KCNK2: variants seen among roughly 807,000 people sequenced by gnomAD.
KCNK2 encodes the protein potassium two pore domain channel subfamily K member 2.
Under a neutral mutation model 40.5 loss-of-function variants are expected in KCNK2, and 21 were observed. That is an observed-to-expected ratio of 0.52 (90% CI 0.37 to 0.75). KCNK2 has a LOEUF of 0.75. KCNK2 is among the 30% of genes least tolerant of loss of function. KCNK2 has a pLI of 0.00. For missense variants in KCNK2, 399 were observed against 531.6 expected, an observed-to-expected ratio of 0.75 and a Z score of 2.45; for synonymous variants, 191 against 202.2, an observed-to-expected ratio of 0.94 and a Z score of 0.47.
At chr1:215,182,058 A>G (rs980211049) in intron 5 of KCNK2, among the ~76,000 whole-genome samples, 2 of 152,182 alleles carry the variant, frequency 1.3e-5, no homozygotes, top group African/African-American at 4.8e-5. Flanking sequence ...TTAATCCAAG[A>G]GAGTAGTTGC....
At chr1:215,203,537 T>C (rs564538744) in intron 6 of KCNK2, among the ~76,000 whole-genome samples, 5 of 152,040 alleles carry the variant, frequency 3.3e-5, no homozygotes, top group African/African-American at 9.6e-5. Context: ...ACTATATATA[T>C]ATATAATATC....
At chr1:215,073,626 A>G (rs745322499) in intron 1 of KCNK2, among the ~76,000 whole-genome samples, 4 of 152,214 alleles carry the variant, frequency 2.6e-5, no homozygotes, top group African/African-American at 7.2e-5. Context: ...GAATCCGGCC[A>G]GTGACTAAAC....
intron 6 of KCNK2, among the ~76,000 whole-genome samples, chr1:215,207,401 T>C (rs1665360796): frequency 6.6e-6 from 1 of 152,122 alleles, no homozygotes; most frequent in South Asian, 2.1e-4. Context: ...CTGAAACCAT[T>C]CCCCCAGCTC....
At position 215,234,903 on chromosome 1, in the gene KCNK2, C is replaced by G; in HGVS notation, c.1039C>G (p.Leu347Val). ...TAEFKETRRR[L>V]SVEIYDKFQR... is the part of the protein sequence containing the mutation. ...CGAATTCAAAGAAACCAGGAGGCGA[C>G]TGAGTGTGGAGATTTATGACAAGTT... Residue 347 changes from leucine (L) to valine (V), a missense_variant, in exon 7 of 7, where the codon CTG (leucine) becomes GTG (valine). Leu to Val is a conservative substitution (Grantham distance 32, BLOSUM62 1). This residue lies in a region of KCNK2 where 103 missense variants were observed against 124.3 expected (regional missense o/e 0.83). Coordinates refer to ENST00000444842, the MANE Select transcript of KCNK2 (RefSeq NM_001017425.3). 1 of 1,614,060 alleles carries G rather than the reference C, an allele frequency of 6.2e-7. No homozygotes were observed. The highest frequency in any genetic ancestry group is 8.5e-7 in the Non-Finnish European group (1 of 1,180,000).
chr1:215,179,334 G>A (rs963526361), intron 5 of KCNK2, among the ~76,000 whole-genome samples: 1 of 151,710 alleles, frequency 6.6e-6, no homozygotes, highest in Non-Finnish European at 1.5e-5. Context: ...GGATTTTTGA[G>A]TCTCAATTTC....
chr1:215,072,401 A>G (rs991634405), intron 1 of KCNK2, among the ~76,000 whole-genome samples: 1 of 152,206 alleles, frequency 6.6e-6, no homozygotes, highest in African/African-American at 2.4e-5. Flanking sequence ...CAACCAGGAG[A>G]ACTTAAGACC....
chr1:215,177,623 C>T (rs2102644685), intron 5 of KCNK2, among the ~76,000 whole-genome samples: 1 of 150,918 alleles, frequency 6.6e-6, no homozygotes, highest in Admixed American at 6.6e-5. Flanking sequence ...CCTTTCCTCA[C>T]TACTAATTTT....
At chr1:215,176,111 G>A (rs1040481921) in intron 5 of KCNK2, among the ~76,000 whole-genome samples, 19 of 152,104 alleles carry the variant, frequency 1.2e-4, no homozygotes, top group South Asian at 4.2e-4. Flanking sequence ...CATTCCCACC[G>A]TCAGTGTGTA....
At chr1:215,162,104 A>G (rs938373346) in intron 3 of KCNK2, among the ~76,000 whole-genome samples, 3 of 152,114 alleles carry the variant, frequency 2.0e-5, no homozygotes, top group Non-Finnish European at 4.4e-5. Context: ...TGACTTTTTA[A>G]CAATCACCAT....
chr1:215,098,412 C>T (rs1279677886), intron 2 of KCNK2, among the ~76,000 whole-genome samples: 1 of 151,852 alleles, frequency 6.6e-6, no homozygotes, highest in Non-Finnish European at 1.5e-5. Flanking sequence ...TATTTTCCCC[C>T]AAATCTGTTA....
chr1:215,015,775 A>T (rs1327171030), intron 1 of KCNK2, among the ~76,000 whole-genome samples: 2 of 152,192 alleles, frequency 1.3e-5, no homozygotes, highest in African/African-American at 4.8e-5. Context: ...ATGAGATCCA[A>T]GGGGAACAAG....
chr1:215,013,874 T>C (rs1656493288), intron 1 of KCNK2, among the ~76,000 whole-genome samples: 1 of 152,208 alleles, frequency 6.6e-6, no homozygotes, highest in Admixed American at 6.5e-5. Context: ...GATAATTTTA[T>C]TTCTTCATTT....
intron 1 of KCNK2, among the ~76,000 whole-genome samples, chr1:215,021,355 G>A (rs1656778617): frequency 9.1e-6 from 1 of 110,072 alleles, no homozygotes; most frequent in Non-Finnish European, 2.2e-5. Flanking sequence ...AAAGCATTAT[G>A]TCTGGACACA....
At chr1:215,091,261 T>A (rs558054966) in intron 2 of KCNK2, among the ~76,000 whole-genome samples, 1 of 152,236 alleles carries the variant, frequency 6.6e-6, no homozygotes, top group African/African-American at 2.4e-5. Context: ...TATGCTCCAG[T>A]AACTGAATAT....
intron 2 of KCNK2, among the ~76,000 whole-genome samples, chr1:215,088,550 T>G: frequency 6.8e-6 from 1 of 147,156 alleles, no homozygotes; most frequent in Admixed American, 6.8e-5. Flanking sequence ...TCACCTGGAG[T>G]GAGATGCTTG....
At chr1:215,054,133 A>C (rs1658080136) in intron 1 of KCNK2, among the ~76,000 whole-genome samples, 1 of 152,208 alleles carries the variant, frequency 6.6e-6, no homozygotes, top group African/African-American at 2.4e-5. Flanking sequence ...ATATTATTCG[A>C]GCTGTGCTAT....
chr1:215,025,197 T>C (rs1571854561), intron 1 of KCNK2, among the ~76,000 whole-genome samples: 1 of 152,094 alleles, frequency 6.6e-6, no homozygotes, highest in East Asian at 1.9e-4. Flanking sequence ...ATGAGGATAA[T>C]ATTTTCAATA....
intron 3 of KCNK2, among the ~76,000 whole-genome samples, chr1:215,138,721 A>G (rs1662038360): frequency 6.6e-6 from 1 of 152,188 alleles, no homozygotes; most frequent in African/African-American, 2.4e-5. Context: ...AATAGAAAGG[A>G]GATTGTTATG....
At chr1:215,006,064 A>T in intron 1 of KCNK2, 1 of 949,174 alleles carries the variant, frequency 1.1e-6, no homozygotes, top group Non-Finnish European at 1.7e-6. Flanking sequence ...CATTATATGA[A>T]AGTCTATAAT....
Sources: gnomAD v4.1 joint callset for allele counts (sites outside exome capture counted in the v4.1 genomes callset) on GRCh38, gnomAD v4.1.1 for gene constraint, gnomAD v4.1.1 regional missense constraint, MANE v1.5 for transcripts, NCBI Gene and HGNC (gene_info 2026-07-23, HGNC 2026-07-21) for gene names.